RIMS1: variants seen among roughly 807,000 people sequenced by gnomAD.
The protein encoded by RIMS1 is regulating synaptic membrane exocytosis protein 1.
Under a neutral mutation model 214.1 loss-of-function variants are expected in RIMS1, and 83 were observed. The ratio of observed to expected loss-of-function variants is 0.39; its 90% CI spans 0.32 to 0.47. The LOEUF is 0.47. RIMS1 is among the 20% of genes least tolerant of loss of function. The pLI is 0.99. For synonymous variants in RIMS1, 793 were observed against 786.8 expected (o/e 1.01, Z -0.13); for missense variants, 2,050 against 2,161.8 (o/e 0.95, Z 1.03).
intron 22 of RIMS1, among the ~76,000 whole-genome samples, chr6:72,273,203 T>C (rs2084327811): frequency 6.6e-6 from 1 of 152,100 alleles, no homozygotes; most frequent in Non-Finnish European, 1.5e-5. Context: ...AGCCCTTTGC[T>C]ATGTTTGGCC....
At chr6:72,289,700 C>A (rs2093027573) in intron 24 of RIMS1, among the ~76,000 whole-genome samples, 1 of 152,124 alleles carries the variant, frequency 6.6e-6, no homozygotes, top group Admixed American at 6.5e-5. Context: ...TTGAATGACA[C>A]TCCTTTATGT....
chr6:71,911,841 A>G (rs73748941), intron 1 of RIMS1, among the ~76,000 whole-genome samples: 127 of 152,134 alleles, frequency 8.3e-4, no homozygotes, highest in African/African-American at 2.9e-3. Context: ...TCTTGAAGGG[A>G]TTTCCATTTT....
chr6:72,100,086 AAGAAATTATATACT>A (rs2033158874), intron 4 of RIMS1, 100 bp downstream of exon 4: 1 of 916,710 alleles, frequency 1.1e-6, no homozygotes, highest in Non-Finnish European at 1.7e-6. Flanking sequence ...TATATTTCAC[AAGAAATTATATACT>A]AGGAAGAGCT....
rs1207308776 is a variant in RIMS1 at position 72,244,820 on chromosome 6, C to T, written c.2082-995C>T. 3.9e-5 allele frequency among the ~76,000 whole-genome samples: 6 copies of T among 151,964 alleles called. No homozygotes were observed. The East Asian group carries it at 9.6e-4, about 24-fold the overall frequency. On this transcript the variant is annotated intron_variant, in intron 10 of 33. Coordinates refer to ENST00000521978, the MANE Select transcript of RIMS1 (RefSeq NM_014989.7). ...AACTGCAGAGAACAAACAGGGAAAA[C>T]TCTTTTTGTTTTCATTCCCCCCAAA... is the stretch of plus-strand genomic sequence containing the variant.
At chr6:71,916,109 A>T (rs563561433) in intron 1 of RIMS1, among the ~76,000 whole-genome samples, 28 of 152,220 alleles carry the variant, frequency 1.8e-4, no homozygotes, top group African/African-American at 6.3e-4. Flanking sequence ...GCACTCTCAA[A>T]TTCTTTGATA....
At chr6:72,195,149 T>C (rs2050665742) in intron 6 of RIMS1, among the ~76,000 whole-genome samples, 1 of 152,180 alleles carries the variant, frequency 6.6e-6, no homozygotes, top group African/African-American at 2.4e-5. Flanking sequence ...ACTTAATATA[T>C]AAATCCTAAG....
intron 23 of RIMS1, 73 bp downstream of exon 23, chr6:72,274,505 G>A (rs2085162216): frequency 8.6e-7 from 1 of 1,161,092 alleles, no homozygotes; most frequent in Non-Finnish European, 1.3e-6. Context: ...GGATAACCAA[G>A]AGAAAAGTTG....
At chr6:72,036,416 C>T (rs1819630431) in intron 2 of RIMS1, among the ~76,000 whole-genome samples, 1 of 152,242 alleles carries the variant, frequency 6.6e-6, no homozygotes, top group East Asian at 1.9e-4. Context: ...CTGCACTTAT[C>T]TATTCATTCA....
intron 1 of RIMS1, among the ~76,000 whole-genome samples, chr6:71,958,502 C>T (rs75982557): frequency 3.3e-5 from 5 of 151,882 alleles, no homozygotes; most frequent in African/African-American, 1.2e-4. Context: ...TTTGAAAGGA[C>T]TAAAAATTAA....
chr6:72,013,995 T>C (rs1811815214), intron 2 of RIMS1, among the ~76,000 whole-genome samples: 1 of 152,226 alleles, frequency 6.6e-6, no homozygotes, highest in Non-Finnish European at 1.5e-5. Flanking sequence ...TGGTCTTTTA[T>C]GACTGACTTG....
At chr6:72,010,562 A>C (rs936116081) in intron 2 of RIMS1, among the ~76,000 whole-genome samples, 3 of 152,224 alleles carry the variant, frequency 2.0e-5, no homozygotes, top group Non-Finnish European at 1.5e-5. Context: ...AGATGTTATA[A>C]TTGTATATCT....
Position 72,251,063 on chromosome 6 carries a change from CA to C in RIMS1, c.2517del (p.Glu840LysfsTer12). ...EITVWDQPRVQEEESEFLGEI... is the reference protein window; with the variant it reads ...EITVWDQPRVXEEESEFLGEI... ...AACTGTGTGGGACCAACCAAGAGTG[CA>C]AGAAGAAGAAAGTGAATTTCTTGGA... On this transcript the variant is annotated frameshift_variant, in exon 14 of 34. Transcript: ENST00000521978. LOFTEE classifies it high-confidence loss of function. The C allele has an allele frequency of 6.3e-7, 1 of 1,586,090 alleles. No individual in the cohort carries two copies. The highest frequency in any genetic ancestry group is 2.3e-5 in the East Asian group (1 of 43,686).
At chr6:72,203,274 A>G (rs1363769075) in intron 6 of RIMS1, among the ~76,000 whole-genome samples, 1 of 152,164 alleles carries the variant, frequency 6.6e-6, no homozygotes, top group Non-Finnish European at 1.5e-5. Flanking sequence ...GGCATGAGCC[A>G]CCGCGCCTGG....
At chr6:72,382,713 G>T (rs1423635467) in intron 29 of RIMS1, among the ~76,000 whole-genome samples, 2 of 152,164 alleles carry the variant, frequency 1.3e-5, no homozygotes, top group Admixed American at 6.5e-5. Context: ...TAACTCTGGT[G>T]ATTCAGGAAA....
intron 4 of RIMS1, among the ~76,000 whole-genome samples, chr6:72,145,517 C>A (rs2042624808): frequency 6.6e-6 from 1 of 152,118 alleles, no homozygotes; most frequent in Admixed American, 6.5e-5. Flanking sequence ...GAGGCTGAGG[C>A]AGGAGAATCA....
chr6:71,957,430 A>G (rs16881973), intron 1 of RIMS1, among the ~76,000 whole-genome samples: 34,589 of 152,116 alleles, frequency 0.23, 4,058 homozygotes, highest in East Asian at 0.3. Context: ...TAGAGTTGCT[A>G]TCCCAAGGCT....
chr6:72,276,576 T>C (rs2086535549), intron 23 of RIMS1, among the ~76,000 whole-genome samples: 1 of 151,996 alleles, frequency 6.6e-6, no homozygotes, highest in African/African-American at 2.4e-5. Flanking sequence ...AAATACATAA[T>C]TTTGAATACA....
At chr6:72,196,377 G>GTTTATCTATCTA (rs1334799674) in intron 6 of RIMS1, among the ~76,000 whole-genome samples, 29 of 144,090 alleles carry the variant, frequency 2.0e-4, no homozygotes, top group African/African-American at 7.3e-4. Flanking sequence ...CTGTCTGTCT[G>GTTTATCTATCTA]TCTATCTATC....
chr6:72,082,389 C>T (rs1833614804), intron 2 of RIMS1, among the ~76,000 whole-genome samples: 1 of 152,102 alleles, frequency 6.6e-6, no homozygotes, highest in African/African-American at 2.4e-5. Context: ...TACATATTAG[C>T]CATTTTAATC....
Sources: allele counts gnomAD v4.1 joint callset (sites outside exome capture counted in the v4.1 genomes callset), GRCh38; gene constraint gnomAD v4.1.1; transcripts MANE v1.5; gene names NCBI Gene and HGNC (gene_info 2026-07-23, HGNC 2026-07-21).